MEIKIN: variants seen among roughly 807,000 people sequenced by gnomAD.
The protein encoded by MEIKIN is meiosis-specific kinetochore protein.
intron 12 of MEIKIN, among the ~76,000 whole-genome samples, chr5:131,811,043 G>A (rs1772943658): frequency 6.6e-6 from 1 of 152,180 alleles, no homozygotes; most frequent in Non-Finnish European, 1.5e-5. Context: ...GTGGCCAGAG[G>A]TTGAAAGGGA....
At chr5:131,894,717 T>C (rs1580895271) in intron 8 of MEIKIN, among the ~76,000 whole-genome samples, 1 of 152,218 alleles carries the variant, frequency 6.6e-6, no homozygotes, top group East Asian at 1.9e-4. Context: ...TATTGGTGTA[T>C]AGGAATGCTT....
chr5:131,933,350 T>C (rs1751719771), intron 5 of MEIKIN, among the ~76,000 whole-genome samples, 163 bp downstream of exon 5: 1 of 152,222 alleles, frequency 6.6e-6, no homozygotes, highest in Non-Finnish European at 1.5e-5. Flanking sequence ...ATTAGTCCTA[T>C]GTGACTGGGA....
At chr5:131,850,173 T>C (rs1750088174) in intron 11 of MEIKIN, among the ~76,000 whole-genome samples, 1 of 151,598 alleles carries the variant, frequency 6.6e-6, no homozygotes, top group Non-Finnish European at 1.5e-5. Context: ...ATTGGTAAAA[T>C]AAATTAAAGA....
At chr5:131,933,718 G>A (rs549639993) in intron 4 of MEIKIN, 77 bp from the exon 5 acceptor site, 5 of 393,120 alleles carry the variant, frequency 1.3e-5, no homozygotes, top group South Asian at 2.7e-4. Context: ...TGAAATGTAT[G>A]GAAATGTACA....
chr5:131,825,811 C>T (rs1749599982), intron 11 of MEIKIN, among the ~76,000 whole-genome samples: 1 of 152,194 alleles, frequency 6.6e-6, no homozygotes, highest in Non-Finnish European at 1.5e-5. Flanking sequence ...TGGGAATGTG[C>T]AAGCCTGCTG....
rs561668855 is a variant in MEIKIN at position 131,902,452 on chromosome 5, A to T, written c.703+9363T>A. ...TTCTCAATTTAAAAAAAAAAAGAAG[A>T]AGTTTCCTGTGGCCTCCCCAGAAAC... On this transcript the variant is annotated intron_variant, in intron 8 of 12. Transcript: ENST00000442687. 8.7e-4 allele frequency among the ~76,000 whole-genome samples: 131 copies of T among 150,494 alleles called. 1 individual carries two copies. Among genetic ancestry groups the T allele is most frequent in the African/African-American group, 2.7e-3 (109 of 40,356 alleles).
intron 8 of MEIKIN, among the ~76,000 whole-genome samples, chr5:131,884,819 C>T (rs72793234): frequency 2.0e-5 from 3 of 151,278 alleles, no homozygotes; most frequent in Admixed American, 1.3e-4. Flanking sequence ...AAGGGTGAGT[C>T]CCAGGCAGCA....
chr5:131,845,288 A>AAAAAAAAAAAAAAAAAAAAAAC, intron 11 of MEIKIN, among the ~76,000 whole-genome samples: 1 of 149,584 alleles, frequency 6.7e-6, no homozygotes, highest in Non-Finnish European at 1.5e-5. Context: ...AAAAAAAAAA[A>AAAAAAAAAAAAAAAAAAAAAAC]AAAAAAAAAA....
At chr5:131,926,222 C>T (rs1299298406) in intron 5 of MEIKIN, among the ~76,000 whole-genome samples, 1 of 152,092 alleles carries the variant, frequency 6.6e-6, no homozygotes, top group Non-Finnish European at 1.5e-5. Context: ...CCTTCTGTTC[C>T]TAGTTTGAGA....
chr5:131,862,900 T>C (rs941072974), intron 9 of MEIKIN, among the ~76,000 whole-genome samples: 3 of 152,144 alleles, frequency 2.0e-5, no homozygotes, highest in Non-Finnish European at 4.4e-5. Flanking sequence ...GGTTTCAATA[T>C]GTTGCCCAGG....
intron 4 of MEIKIN, among the ~76,000 whole-genome samples, chr5:131,940,571 T>A (rs1023469086): frequency 6.6e-6 from 1 of 152,228 alleles, no homozygotes; most frequent in Admixed American, 6.5e-5. Flanking sequence ...CTTCAAAAGT[T>A]TGGATATTCC....
At chr5:131,943,620 A>G (rs1158742788) in intron 3 of MEIKIN, among the ~76,000 whole-genome samples, 3 of 152,018 alleles carry the variant, frequency 2.0e-5, no homozygotes, top group African/African-American at 2.4e-5. Context: ...ACAACTGGTC[A>G]TTTTTTTTAA....
intron 8 of MEIKIN, among the ~76,000 whole-genome samples, chr5:131,904,856 C>G (rs994993586): frequency 1.3e-5 from 2 of 152,140 alleles, no homozygotes; most frequent in Non-Finnish European, 2.9e-5. Flanking sequence ...ATGGATGAAG[C>G]TGGAAACCAT....
At chr5:131,847,715 G>C (rs1284398619) in intron 11 of MEIKIN, among the ~76,000 whole-genome samples, 2 of 151,830 alleles carry the variant, frequency 1.3e-5, no homozygotes, top group Admixed American at 6.6e-5. Context: ...TCAAATAACA[G>C]CATATATATT....
At chr5:131,884,300 G>A (rs1432754828) in intron 8 of MEIKIN, among the ~76,000 whole-genome samples, 1 of 152,090 alleles carries the variant, frequency 6.6e-6, no homozygotes, top group Non-Finnish European at 1.5e-5. Context: ...TTTTGCTTGA[G>A]GAGAAGAGAG....
intron 8 of MEIKIN, among the ~76,000 whole-genome samples, chr5:131,897,259 G>T (rs558006241): frequency 1.3e-5 from 2 of 152,332 alleles, no homozygotes; most frequent in Middle Eastern, 3.4e-3. Context: ...TCCACTGTTA[G>T]TCTGACGGGC....
chr5:131,822,382 T>C (rs1189879283), intron 11 of MEIKIN, among the ~76,000 whole-genome samples: 1 of 152,136 alleles, frequency 6.6e-6, no homozygotes, highest in East Asian at 1.9e-4. Flanking sequence ...TTCCTTCCTT[T>C]CTGTTTTCCT....
chr5:131,932,866 C>T (rs1306514063), intron 5 of MEIKIN, among the ~76,000 whole-genome samples: 1 of 152,192 alleles, frequency 6.6e-6, no homozygotes, highest in Non-Finnish European at 1.5e-5. Context: ...CACTATAGTG[C>T]AAATTGGCTT....
intron 11 of MEIKIN, among the ~76,000 whole-genome samples, chr5:131,820,741 G>T (rs1302941033): frequency 6.6e-6 from 1 of 152,100 alleles, no homozygotes; most frequent in African/African-American, 2.4e-5. Context: ...TTCAATCTTT[G>T]TAGGTTCTAT....
Sources: gnomAD v4.1 joint callset for allele counts (sites outside exome capture counted in the v4.1 genomes callset) on GRCh38, gnomAD v4.1.1 for gene constraint, MANE v1.5 for transcripts, NCBI Gene and HGNC (gene_info 2026-07-23, HGNC 2026-07-21) for gene names.